The following NSF variants were observed in gnomAD, a reference collection of about 807,000 sequenced individuals.
NSF encodes the protein N-ethylmaleimide sensitive factor, vesicle fusing ATPase.
In NSF, 14 loss-of-function variants were observed where a neutral mutation model predicts 50.3. The ratio of observed to expected loss-of-function variants is 0.28; its 90% confidence interval spans 0.18 to 0.44. The LOEUF is 0.44. Among genes scored for constraint, NSF ranks in the 20% least tolerant of loss-of-function variants. The probability of loss-of-function intolerance (pLI) is 1.00; values close to 1 mark genes in which losing one functional copy is unlikely to be tolerated. For missense variants in NSF, 218 were observed against 504.3 expected (o/e 0.43, Z 5.44); for synonymous variants, 109 against 175.7 (o/e 0.62, Z 3.00).
In NSF at chr17:46,757,147, C is replaced by T. The variant is rs971183929; in HGVS notation, c.*1324C>T. ...CCTCATGTGAGAAAGCAGATCATCT[C>T]CAAATCTTGCCATTTGTATACTTTT... On this transcript the variant is annotated 3_prime_UTR_variant, in exon 21 of 21. Transcript: ENST00000398238. 1.3e-5 allele frequency: 2 copies of T among 152,234 alleles called. No individual in the cohort carries two copies. Among genetic ancestry groups the T allele is most frequent in the Admixed American group, 1.3e-4 (2 of 15,286 alleles). The allele number at this position is 152,234 out of a possible 1,614,324, so 9.4% of individuals were successfully genotyped here. A position where few individuals can be genotyped will look rare whatever the true frequency, so the allele number is the denominator to read the frequency against.
chr17:46,727,747 A>T (rs562290456), intron 16 of NSF, among the ~76,000 whole-genome samples: 1 of 152,242 alleles, frequency 6.6e-6, no homozygotes, highest in African/African-American at 2.4e-5. Context: ...CTTTATCTTA[A>T]CACAATTGAG....
At chr17:46,724,489 C>T (rs1420131800) in intron 15 of NSF, among the ~76,000 whole-genome samples, 1 of 152,182 alleles carries the variant, frequency 6.6e-6, no homozygotes, top group East Asian at 1.9e-4. Flanking sequence ...ACTCCTAAGG[C>T]TTCTTTCAGA....
chr17:46,666,114 G>T (rs1260038906), intron 8 of NSF, among the ~76,000 whole-genome samples: 1 of 151,332 alleles, frequency 6.6e-6, no homozygotes, highest in Non-Finnish European at 1.5e-5. Context: ...GATGAGAGTA[G>T]TTGCAATTGG....
rs556186157 is a variant in NSF, at chr17:46,731,549, G to T, written c.1908+2615G>T. On this transcript the variant is annotated intron_variant, in intron 17 of 20. Coordinates refer to ENST00000398238, the MANE Select transcript of NSF (RefSeq NM_006178.4). ...GAAGTGGTTTAGGAGCTACTTAAATGATGAAAGGAGACATAGAGTTAGAAG... is the reference window on the plus strand; with the variant it reads ...GAAGTGGTTTAGGAGCTACTTAAATTATGAAAGGAGACATAGAGTTAGAAG... Among the ~76,000 whole-genome samples, 7 of 152,320 alleles carry T rather than the reference G, an allele frequency of 4.6e-5. No homozygotes were observed. In the South Asian group the frequency reaches 1.5e-3, roughly 32 times the overall value.
At chr17:46,740,890 G>T (rs749881264) in intron 17 of NSF, among the ~76,000 whole-genome samples, 36 of 152,166 alleles carry the variant, frequency 2.4e-4, no homozygotes, top group Middle Eastern at 6.8e-3. Flanking sequence ...TTGAAATCCT[G>T]ACCGTTGGTG....
intron 1 of NSF, among the ~76,000 whole-genome samples, chr17:46,605,789 GT>G (rs1213750131): frequency 1.4e-5 from 1 of 69,716 alleles, no homozygotes; most frequent in African/African-American, 6.8e-5. Context: ...AAGAATAATG[GT>G]AAATCTGTGG....
At chr17:46,658,205 A>G (rs2058277195) in intron 8 of NSF, among the ~76,000 whole-genome samples, 1 of 10,804 alleles carries the variant, frequency 9.3e-5, no homozygotes, top group Non-Finnish European at 1.4e-4. Context: ...ATGCCTGGCT[A>G]ATTTTTGTAT....
chr17:46,711,049 T>C lies in NSF; in HGVS notation c.1557T>C (p.Asp519=). ...KWGDPVTRVL[D]DGELLVQQTK... is the part of the protein sequence containing the mutation. ...GTGACCCAGTTACTCGAGTTCTAGA[T>C]GATGGGGAGCTGCTGGTGCAGCAGA... The change falls in exon 14 of 21, where the codon GAT becomes GAC. Residue 519 remains aspartate, a synonymous_variant. Transcript: ENST00000398238. 1 of 1,590,012 alleles carries C rather than the reference T, an allele frequency of 6.3e-7. No homozygotes were observed. The highest frequency in any genetic ancestry group is 8.5e-7 in the Non-Finnish European group (1 of 1,171,698).
chr17:46,621,049 G>A, intron 1 of NSF, among the ~76,000 whole-genome samples: 1 of 95,372 alleles, frequency 1.0e-5, no homozygotes, highest in East Asian at 3.6e-4. Context: ...TCTGAGCTGA[G>A]AATGCGCCAC....
At chr17:46,707,183 A>G (rs1168120616) in intron 13 of NSF, among the ~76,000 whole-genome samples, 1 of 152,138 alleles carries the variant, frequency 6.6e-6, no homozygotes, top group African/African-American at 2.4e-5. Flanking sequence ...AGTTAGGTGT[A>G]AAATGAGATC....
At chr17:46,602,716 A>T (rs1046744143) in intron 1 of NSF, among the ~76,000 whole-genome samples, 2 of 145,512 alleles carry the variant, frequency 1.4e-5, no homozygotes, top group African/African-American at 5.3e-5. Flanking sequence ...TGAGTCTTCC[A>T]ATGAACCTCT....
chr17:46,710,895 C>T (rs1182484878), intron 13 of NSF, 68 bp from the exon 14 acceptor site: 3 of 1,395,398 alleles, frequency 2.1e-6, no homozygotes, highest in Admixed American at 2.7e-5. Flanking sequence ...CGGATTATAA[C>T]TCGTCTTTTA....
chr17:46,695,209 G>T (rs555501173), intron 12 of NSF, among the ~76,000 whole-genome samples: 120 of 133,288 alleles, frequency 9.0e-4, no homozygotes, highest in African/African-American at 3.5e-3. Context: ...TTGCGCCACT[G>T]CACTCCAGCC....
chr17:46,731,644 A>G (rs1234465978), intron 17 of NSF, among the ~76,000 whole-genome samples: 2 of 152,150 alleles, frequency 1.3e-5, no homozygotes, highest in African/African-American at 4.8e-5. Context: ...TAAAAAGAAC[A>G]TGGAGTGAAT....
intron 19 of NSF, among the ~76,000 whole-genome samples, chr17:46,752,551 G>C (rs1026543102): frequency 1.3e-5 from 2 of 152,104 alleles, no homozygotes; most frequent in Non-Finnish European, 2.9e-5. Flanking sequence ...GACCTCGCAG[G>C]CTCAGGCGTT....
At chr17:46,739,793 G>C (rs1052398445) in intron 17 of NSF, among the ~76,000 whole-genome samples, 1 of 151,790 alleles carries the variant, frequency 6.6e-6, no homozygotes, top group Non-Finnish European at 1.5e-5. Flanking sequence ...CTGCCTCCCG[G>C]GTTCAAGCAA....
intron 14 of NSF, 92 bp downstream of exon 14, chr17:46,711,211 C>CT (rs1428210889): frequency 2.5e-6 from 3 of 1,216,254 alleles, no homozygotes; most frequent in Non-Finnish European, 3.3e-6. Context: ...AAAGTGAATT[C>CT]TTTTTCGTTT....
intron 15 of NSF, among the ~76,000 whole-genome samples, chr17:46,716,340 T>C (rs2058768940): frequency 6.6e-6 from 1 of 150,874 alleles, no homozygotes; most frequent in Non-Finnish European, 1.5e-5. Flanking sequence ...CACTGCAAGC[T>C]CCACCTCCCG....
At chr17:46,707,957 C>T (rs555264743) in intron 13 of NSF, among the ~76,000 whole-genome samples, 6 of 150,022 alleles carry the variant, frequency 4.0e-5, no homozygotes, top group East Asian at 4.0e-4. Flanking sequence ...CATTTGGATC[C>T]GGGAGGTGGA....
Sources: allele counts gnomAD v4.1 joint callset (sites outside exome capture counted in the v4.1 genomes callset), GRCh38; gene constraint gnomAD v4.1.1; transcripts MANE v1.5; gene names NCBI Gene and HGNC (gene_info 2026-07-23, HGNC 2026-07-21).